The following TBC1D1 variants were observed in gnomAD, a reference collection of about 807,000 sequenced individuals.
TBC1D1 encodes TBC1 (tre-2/USP6, BUB2, cdc16) domain family, member 1.
In TBC1D1, 89 loss-of-function variants were observed where a neutral mutation model predicts 125.6. That is an observed-to-expected ratio of 0.71 (90% CI 0.60 to 0.85). The LOEUF is 0.85. Ranked by LOEUF, TBC1D1 falls within the 40% of genes least tolerant of loss-of-function variation. The pLI is 0.00. For missense variants in TBC1D1, 1,377 were observed against 1,469.2 expected, an observed-to-expected ratio of 0.94 and a Z score of 1.03; for synonymous variants, 565 against 564.1, an observed-to-expected ratio of 1.00 and a Z score of -0.02.
chr4:37,946,028 G>C (rs1726635266), intron 2 of TBC1D1, among the ~76,000 whole-genome samples: 1 of 152,080 alleles, frequency 6.6e-6, no homozygotes, highest in South Asian at 2.1e-4. Context: ...ATGACAGAAA[G>C]CCATAATATA....
chr4:38,020,805 T>C, intron 5 of TBC1D1, 110 bp downstream of exon 5: 1 of 843,310 alleles, frequency 1.2e-6, no homozygotes, highest in Non-Finnish European at 1.9e-6. Context: ...CATATCATTA[T>C]TTGTCTTTAG....
chr4:38,060,054 C>G (rs1463337135), intron 12 of TBC1D1, among the ~76,000 whole-genome samples: 1 of 152,180 alleles, frequency 6.6e-6, no homozygotes, highest in African/African-American at 2.4e-5. Flanking sequence ...AGGACATGGT[C>G]TCATTCATTT....
chr4:38,005,079 A>G (rs1244435540), intron 2 of TBC1D1, among the ~76,000 whole-genome samples: 15 of 152,132 alleles, frequency 9.9e-5, no homozygotes, highest in Admixed American at 9.8e-4. Context: ...ACCGTCTTGC[A>G]TCTTCTTGGT....
chr4:38,088,598 CT>C, intron 12 of TBC1D1, among the ~76,000 whole-genome samples: 1 of 152,206 alleles, frequency 6.6e-6, no homozygotes, highest in East Asian at 1.9e-4. Context: ...ATTTTGATTT[CT>C]TTTCTGTGCC....
Position 38,014,723 on chromosome 4 carries a change from G to GCCGCCCCCCCCA in TBC1D1, c.634_635insGCCCCCCCCACC (p.Ser211_Pro212insArgProProHis). On this transcript the variant is annotated inframe_insertion, in exon 3 of 20. Coordinates refer to ENST00000261439, the MANE Select transcript of TBC1D1 (RefSeq NM_015173.4). This position sits in a 1 kb window ranked among gnomAD's most constrained non-coding sequence, Gnocchi z 5.1. The stretch of plus-strand genomic sequence containing the variant: ...GTCAGCGGCAGCCGGGGGTCCGAGA[G>GCCGCCCCCCCCA]CCCCCGCCCCAACCCGCCCCATGCC... The GCCGCCCCCCCCA allele has an allele frequency of 6.2e-7, 1 of 1,600,232 alleles. No individual in the cohort carries two copies. The highest frequency in any genetic ancestry group is 8.6e-7 in the Non-Finnish European group (1 of 1,169,376).
At position 37,979,169 on chromosome 4, in the gene TBC1D1, AC is replaced by A. The variant is rs1158997744; in HGVS notation, c.418-35337del. Among the ~76,000 whole-genome samples, 5 of 152,184 alleles carry A rather than the reference AC, an allele frequency of 3.3e-5. No individual in the cohort carries two copies. The East Asian group carries it at 7.7e-4, about 24-fold the overall frequency. On this transcript the variant is annotated intron_variant, in intron 2 of 19. Coordinates refer to ENST00000261439, the MANE Select transcript of TBC1D1 (RefSeq NM_015173.4). ...TGGGGTTACAGATGTGAGCCACCAC[AC>A]CCGCCCTCAAAATTATTATTTCGAT... is the stretch of plus-strand genomic sequence containing the variant.
intron 14 of TBC1D1, among the ~76,000 whole-genome samples, chr4:38,098,017 T>C (rs1175136746): frequency 6.6e-6 from 1 of 152,236 alleles, no homozygotes; most frequent in Admixed American, 6.5e-5. Flanking sequence ...CTGCCTCCTG[T>C]TGAACAGGAT....
intron 8 of TBC1D1, among the ~76,000 whole-genome samples, chr4:38,036,618 T>C (rs924059886): frequency 6.6e-6 from 1 of 152,172 alleles, no homozygotes; most frequent in African/African-American, 2.4e-5. Flanking sequence ...CTAAACCAAG[T>C]GTGCAGTTTT....
At chr4:37,994,845 A>C (rs1264031258) in intron 2 of TBC1D1, among the ~76,000 whole-genome samples, 1 of 152,036 alleles carries the variant, frequency 6.6e-6, no homozygotes, top group Non-Finnish European at 1.5e-5. Flanking sequence ...CTGCTGGCTT[A>C]TTTTGGGCTT....
At chr4:38,134,926 C>T (rs1766230845) in intron 19 of TBC1D1, among the ~76,000 whole-genome samples, 1 of 152,216 alleles carries the variant, frequency 6.6e-6, no homozygotes, top group Non-Finnish European at 1.5e-5. Flanking sequence ...ACCAGTAGTT[C>T]CTGAGTCCCT....
rs768434642 is a variant in TBC1D1 at position 37,902,440 on chromosome 4, T to G, written c.345T>G (p.Ala115=). The G allele has an allele frequency of 7.4e-6, 12 of 1,614,160 alleles. No homozygotes were observed. Among genetic ancestry groups the G allele is most frequent in the Non-Finnish European group, 1.0e-5 (12 of 1,180,014 alleles). ...ACAGTCATGACCCAAGTTACTTTGC[T>G]TGTCTGATTAAGGAAGACGCTGTCC... The change falls in exon 2 of 20, where the codon GCT becomes GCG. Residue 115 remains alanine (A), a synonymous_variant. Coordinates refer to ENST00000261439, the MANE Select transcript of TBC1D1 (RefSeq NM_015173.4).
intron 19 of TBC1D1, among the ~76,000 whole-genome samples, chr4:38,135,941 TG>T (rs1766514349): frequency 6.6e-6 from 1 of 150,944 alleles, no homozygotes; most frequent in Admixed American, 6.6e-5. Context: ...TGTGTGTGTG[TG>T]TGTGTGTGTG....
In TBC1D1 at chr4:38,044,490, G is replaced by A. The variant is rs1485289696; in HGVS notation, c.1542G>A (p.Arg514=). Residue 514 remains arginine, a splice_region_variant and synonymous_variant, in exon 9 of 20, where the codon CGG becomes CGA. Coordinates refer to ENST00000261439, the MANE Select transcript of TBC1D1 (RefSeq NM_015173.4). ...AGTCTTTAGAAAGTATTTTGTCCCGGGTAAGTAGCATAATTTCTCCTGATT... is the reference window on the plus strand; with the variant it reads ...AGTCTTTAGAAAGTATTTTGTCCCGAGTAAGTAGCATAATTTCTCCTGATT... 1.9e-6 allele frequency: 3 copies of A among 1,604,008 alleles called. No individual in the cohort carries two copies. The highest frequency in any genetic ancestry group is 2.2e-5 in the East Asian group (1 of 44,802).
At chr4:38,059,695 G>A (rs1032849130) in intron 12 of TBC1D1, among the ~76,000 whole-genome samples, 6 of 152,204 alleles carry the variant, frequency 3.9e-5, no homozygotes, top group African/African-American at 1.4e-4. Flanking sequence ...CAGGTTGGGT[G>A]TGTTTAAGAT....
At chr4:37,908,258 T>C (rs1717780573) in intron 2 of TBC1D1, among the ~76,000 whole-genome samples, 1 of 152,106 alleles carries the variant, frequency 6.6e-6, no homozygotes, top group South Asian at 2.1e-4. Context: ...CAGGCTGGAA[T>C]GCAGTCGTGC....
intron 12 of TBC1D1, among the ~76,000 whole-genome samples, chr4:38,069,808 C>T (rs965846424): frequency 2.6e-5 from 4 of 152,162 alleles, no homozygotes; most frequent in Non-Finnish European, 5.9e-5. Flanking sequence ...ATCAGGGAAC[C>T]CCTGGGCCAA....
At chr4:38,117,966 C>T in intron 16 of TBC1D1, 67 bp from the exon 19 acceptor site, 1 of 1,432,336 alleles carries the variant, frequency 7.0e-7, no homozygotes, top group Non-Finnish European at 9.7e-7. Context: ...ACCCTGTGAG[C>T]AGTAGGCATA....
chr4:38,035,598 C>G lies in TBC1D1; in HGVS notation c.1313C>G (p.Pro438Arg), dbSNP rs760660471. 6 of 1,612,202 alleles carry G rather than the reference C, an allele frequency of 3.7e-6. No individual in the cohort carries two copies. Among genetic ancestry groups the G allele is most frequent in the African/African-American group, 1.3e-5 (1 of 74,902 alleles). ...ATTTTTGTTTTAAAGAAATTGAGAC[C>G]GAGAAATGAGCAGCGAGAGAATGAA... The change falls in exon 8 of 20, where the codon CCG (proline) becomes CGG (arginine). Residue 438 changes from proline (P) to arginine (R), a missense_variant. By Grantham distance (103) the Pro-to-Arg change is moderately radical. Coordinates refer to ENST00000261439, the MANE Select transcript of TBC1D1 (RefSeq NM_015173.4).
Position 38,118,179 on chromosome 4 carries a change from A to G in TBC1D1, c.2949A>G (p.Val983=). The G allele has an allele frequency of 6.2e-7, 1 of 1,614,200 alleles. No individual in the cohort carries two copies. The highest frequency in any genetic ancestry group is 1.1e-5 in the South Asian group (1 of 91,080). ...CCTCACAGTTCCCGCTGGGATTCGT[A>G]GCCAGAGTCTTTGGTGAGCATTAGT... is the stretch of plus-strand genomic sequence containing the variant. The change falls in exon 17 of 20, where the codon GTA becomes GTG. Residue 983 remains valine, a synonymous_variant. Coordinates refer to ENST00000261439, the MANE Select transcript of TBC1D1 (RefSeq NM_015173.4).
Sources: allele counts gnomAD v4.1 joint callset (sites outside exome capture counted in the v4.1 genomes callset), GRCh38; gene constraint gnomAD v4.1.1; non-coding constraint Gnocchi (gnomAD v3.1); transcripts MANE v1.5; gene names NCBI Gene and HGNC (gene_info 2026-07-23, HGNC 2026-07-21).